The following ZDHHC4 variants were observed in gnomAD, a reference collection of about 807,000 sequenced individuals.
ZDHHC4 encodes the protein zDHHC palmitoyltransferase 4, also known as palmitoyltransferase ZDHHC4.
A neutral mutation model predicts 36.7 loss-of-function variants in ZDHHC4; 42 were observed. That is an observed-to-expected ratio of 1.14 (90% confidence interval 0.89 to 1.48). The LOEUF (loss-of-function observed/expected upper bound fraction) is 1.48. Ranked by LOEUF, ZDHHC4 falls within the 40% of genes most tolerant of loss-of-function variation. The pLI is 0.00. For missense variants in ZDHHC4, 457 were observed against 421.5 expected (o/e 1.08, Z -0.74); for synonymous variants, 189 against 166.6 (o/e 1.13, Z -1.03).
intron 2 of ZDHHC4, 78 bp from the exon 3 acceptor site, chr7:6,580,477 G>C: frequency 8.5e-7 from 1 of 1,170,776 alleles, no homozygotes; most frequent in East Asian, 2.3e-5. Flanking sequence ...AGCCATTTGG[G>C]AGTTGATGTC....
chr7:6,582,148 C>G lies in ZDHHC4; in HGVS notation c.267C>G (p.Gly89=). The change falls in exon 5 of 8, where the codon GGC becomes GGG. Residue 89 remains glycine, a synonymous_variant. Coordinates refer to ENST00000335965, the MANE Select transcript of ZDHHC4 (RefSeq NM_001134389.2). ...CTGAGTACACCTGGGAAGTATTTGG[C>G]TACTGTCAGGAGCTGGAGTTGTCCT... ...VYTEYTWEVF[G]YCQELELSLH... is the part of the protein sequence containing the mutation. The G allele has an allele frequency of 6.2e-7, 1 of 1,614,186 alleles. No individual in the cohort carries two copies.
intron 2 of ZDHHC4, among the ~76,000 whole-genome samples, chr7:6,579,382 G>C (rs975261663): frequency 1.1e-4 from 16 of 151,780 alleles, no homozygotes; most frequent in Admixed American, 5.3e-4. Context: ...TGTGTTTTTA[G>C]TATAGATGGG....
chr7:6,589,205 G>T lies in ZDHHC4; in HGVS notation c.*295G>T. The T allele has an allele frequency of 2.6e-6, 1 of 387,986 alleles. No homozygotes were observed. Among genetic ancestry groups the T allele is most frequent in the South Asian group, 2.7e-5 (1 of 36,996 alleles). 24.0% of individuals were successfully genotyped at this position (387,986 alleles called of 1,614,324 possible). A position where few individuals can be genotyped will look rare whatever the true frequency, so the allele number is the denominator to read the frequency against. On this transcript the variant is annotated 3_prime_UTR_variant, in exon 8 of 8. Coordinates refer to ENST00000335965, the MANE Select transcript of ZDHHC4 (RefSeq NM_001134389.2). ...AACTCTGGGCATGTGGACAGGAGGGGCTTGCGGCCGTGTCTCTGACCTGTG... is the reference window on the plus strand; with the variant it reads ...AACTCTGGGCATGTGGACAGGAGGGTCTTGCGGCCGTGTCTCTGACCTGTG...
chr7:6,586,557 C>T (rs1328688187), intron 7 of ZDHHC4, among the ~76,000 whole-genome samples: 1 of 152,144 alleles, frequency 6.6e-6, no homozygotes, highest in African/African-American at 2.4e-5. Context: ...CTCACTGCAA[C>T]CTCTGCCTCT....
rs1781431632 is a variant in ZDHHC4, at chr7:6,588,607, C to G, written c.742-10C>G. The G allele has an allele frequency of 6.2e-7, 1 of 1,612,986 alleles. No individual in the cohort carries two copies. Among genetic ancestry groups the G allele is most frequent in the East Asian group, 2.2e-5 (1 of 44,868 alleles). On this transcript the variant is annotated splice_polypyrimidine_tract_variant and intron_variant, in intron 7 of 7. Transcript: ENST00000335965. ...AGCTGCCTAAAGCACTACCTTTTCT[C>G]TGCTCCTAGTACCTGTTCCTGACTT... is the stretch of plus-strand genomic sequence containing the variant.
At chr7:6,586,247 C>A (rs1470185209) in intron 7 of ZDHHC4, among the ~76,000 whole-genome samples, 1 of 152,140 alleles carries the variant, frequency 6.6e-6, no homozygotes, top group Non-Finnish European at 1.5e-5. Flanking sequence ...CTTGTTCAGC[C>A]CTCACTACTA....
At chr7:6,586,978 T>C (rs1244912687) in intron 7 of ZDHHC4, among the ~76,000 whole-genome samples, 1 of 152,200 alleles carries the variant, frequency 6.6e-6, no homozygotes, top group East Asian at 1.9e-4. Context: ...GTTTATGTTT[T>C]TATGTTTTAT....
intron 6 of ZDHHC4, chr7:6,584,205 T>G (rs541253328): frequency 4.6e-5 from 7 of 152,236 alleles, no homozygotes; most frequent in Admixed American, 2.6e-4. Flanking sequence ...ATGAGATAGT[T>G]TATATTCTTT....
chr7:6,584,982 C>T (rs754217872), intron 6 of ZDHHC4, 34 bp from the exon 7 acceptor site: 1 of 1,610,716 alleles, frequency 6.2e-7, no homozygotes, highest in Non-Finnish European at 8.5e-7. Context: ...TCGTCAAGCA[C>T]CATCCCAGCA....
chr7:6,585,038 C>T lies in ZDHHC4; in HGVS notation c.519C>T (p.His173=), dbSNP rs770443892. Residue 173 remains histidine, a synonymous_variant, in exon 7 of 8, where the codon CAC becomes CAT. Coordinates refer to ENST00000335965, the MANE Select transcript of ZDHHC4 (RefSeq NM_001134389.2). ...KHCSVCNWCV[H]RFDHHCVWVN... ...CAGGTGTGTGTAACTGGTGTGTGCACCGTTTCGACCATCACTGTGTTTGGG... is the reference window on the plus strand; with the variant it reads ...CAGGTGTGTGTAACTGGTGTGTGCATCGTTTCGACCATCACTGTGTTTGGG... The T allele has an allele frequency of 5.6e-6, 9 of 1,614,024 alleles. No individual in the cohort carries two copies. The Admixed American group carries it at 1.3e-4, about 24-fold the overall frequency.
rs776536509 is a variant in ZDHHC4, at chr7:6,580,648, C to T, written c.87C>T (p.Ser29=). Residue 29 remains serine (S), a synonymous_variant, in exon 3 of 8, where the codon AGC becomes AGT. Transcript: ENST00000335965. ...TCTGCGTCTGCTCGAAAACCCATAGCTTGAAAGGCCTGGCCAGGGGAGGAG... is the reference window on the plus strand; with the variant it reads ...TCTGCGTCTGCTCGAAAACCCATAGTTTGAAAGGCCTGGCCAGGGGAGGAG... ...VLICVCSKTH[S]LKGLARGGAQ... 51 of 1,613,996 alleles carry T rather than the reference C, an allele frequency of 3.2e-5. No individual in the cohort carries two copies. Among genetic ancestry groups the T allele is most frequent in the Admixed American group, 6.7e-5 (4 of 59,976 alleles).
In ZDHHC4 at chr7:6,588,778, T is replaced by A. The variant is rs745406700; in HGVS notation, c.903T>A (p.Cys301Ter). Residue 301 changes from cysteine to a stop codon, truncating the protein, a stop_gained, in exon 8 of 8, where the codon TGT (cysteine) becomes TGA (stop). Coordinates refer to ENST00000335965, the MANE Select transcript of ZDHHC4 (RefSeq NM_001134389.2). LOFTEE classifies it high-confidence loss of function. ...GTGACTGGGCCTGGTGCCAGCGTTG[T>A]CCCCTTGTGGCCTGGCCTCCGTCAG... ...YRGDWAWCQR[C>*]PLVAWPPSAE... 7 of 1,614,078 alleles carry A rather than the reference T, an allele frequency of 4.3e-6. No homozygotes were observed. The Admixed American group carries it at 1.2e-4, about 27-fold the overall frequency.
chr7:6,583,413 G>C lies in ZDHHC4; in HGVS notation c.478G>C (p.Ala160Pro), dbSNP rs771657505. Residue 160 changes from alanine to proline, a missense_variant, in exon 6 of 8, where the codon GCT (alanine) becomes CCT (proline). Transcript: ENST00000335965. ...CTCTACTTGTGATTTAAGGAAACCA[G>C]CTCGATCCAAGCACTGCAGTGAGTG... ...RCSTCDLRKP[A>P]RSKHCSVCNW... is the part of the protein sequence containing the mutation. 6 of 1,613,276 alleles carry C rather than the reference G, an allele frequency of 3.7e-6. No homozygotes were observed. The East Asian group carries it at 8.9e-5, about 24-fold the overall frequency.
At position 6,589,094 on chromosome 7, in the gene ZDHHC4, C is replaced by A; in HGVS notation, c.*184C>A. On this transcript the variant is annotated 3_prime_UTR_variant, in exon 8 of 8. Transcript: ENST00000335965. ...CCCCTTGCTTGTCTTCTTTTGAAAC[C>A]GGGCATCTCTGAAGTCCTGGTGTCA... The A allele has an allele frequency of 1.4e-6, 1 of 700,710 alleles. No individual in the cohort carries two copies. Among genetic ancestry groups the A allele is most frequent in the Non-Finnish European group, 2.3e-6 (1 of 432,682 alleles). The allele number at this position is 700,710 out of a possible 1,614,324, so 43.4% of individuals were successfully genotyped here.
intron 1 of ZDHHC4, 116 bp downstream of exon 1, chr7:6,577,614 C>T (rs1780518865): frequency 6.6e-6 from 1 of 152,394 alleles, no homozygotes; most frequent in African/African-American, 2.4e-5. Context: ...CCCCACCTCG[C>T]CCGAGTCCGG....
intron 7 of ZDHHC4, among the ~76,000 whole-genome samples, chr7:6,586,306 C>T (rs1781241614): frequency 6.6e-6 from 1 of 152,196 alleles, no homozygotes; most frequent in Admixed American, 6.6e-5. Context: ...ACTCCCCATT[C>T]CCTCCTCCCC....
In ZDHHC4 at chr7:6,580,666, G is replaced by T; in HGVS notation, c.105G>T (p.Arg35Ser). The change falls in exon 3 of 8, where the codon AGG (arginine) becomes AGT (serine). Residue 35 changes from arginine (R) to serine (S), a missense_variant. Coordinates refer to ENST00000335965, the MANE Select transcript of ZDHHC4 (RefSeq NM_001134389.2). ...CCCATAGCTTGAAAGGCCTGGCCAGGGGAGGAGCACAGGTAAGGATGATCC... is the reference window on the plus strand; with the variant it reads ...CCCATAGCTTGAAAGGCCTGGCCAGTGGAGGAGCACAGGTAAGGATGATCC... ...SKTHSLKGLA[R>S]GGAQIFSCII... 1 of 1,614,104 alleles carries T rather than the reference G, an allele frequency of 6.2e-7. No individual in the cohort carries two copies. The highest frequency in any genetic ancestry group is 8.5e-7 in the Non-Finnish European group (1 of 1,179,988).
At chr7:6,583,454 C>A (rs573296043) in intron 6 of ZDHHC4, 23 bp downstream of exon 6, 1 of 1,593,972 alleles carries the variant, frequency 6.3e-7, no homozygotes, top group Admixed American at 1.8e-5. Flanking sequence ...CTCGTGACTC[C>A]AGCGGCACCT....
intron 2 of ZDHHC4, among the ~76,000 whole-genome samples, chr7:6,579,286 C>T (rs144171922): frequency 3.3e-5 from 5 of 151,860 alleles, no homozygotes; most frequent in East Asian, 1.9e-4. Flanking sequence ...CTGCAACCTC[C>T]GCTTCCTGGG....
Sources: allele counts gnomAD v4.1 joint callset (sites outside exome capture counted in the v4.1 genomes callset), GRCh38; gene constraint gnomAD v4.1.1; transcripts MANE v1.5; gene names NCBI Gene and HGNC (gene_info 2026-07-23, HGNC 2026-07-21).